The following SLC16A10 variants were observed in gnomAD, a reference collection of about 807,000 sequenced individuals.
SLC16A10 encodes the protein monocarboxylate transporter 10.
SLC16A10 carries 27 observed loss-of-function variants against 40.0 expected under a neutral mutation model. The ratio of observed to expected loss-of-function variants is 0.67; its 90% CI spans 0.50 to 0.93. The LOEUF is 0.93. Ranked by LOEUF, SLC16A10 falls within the 40% of genes least tolerant of loss-of-function variation. The pLI, the probability that SLC16A10 is intolerant of heterozygous loss-of-function variation, is 0.00. For missense variants in SLC16A10, 529 were observed against 658.2 expected (o/e 0.80, Z 2.15); for synonymous variants, 213 against 249.8 (o/e 0.85, Z 1.39).
chr6:111,132,027 C>T (rs1771791760), intron 1 of SLC16A10, among the ~76,000 whole-genome samples: 1 of 152,198 alleles, frequency 6.6e-6, no homozygotes, highest in Admixed American at 6.5e-5. Context: ...TCTAAGGAAG[C>T]TCTATGCTGT....
intron 1 of SLC16A10, among the ~76,000 whole-genome samples, chr6:111,122,242 T>C (rs1178097162): frequency 6.6e-6 from 1 of 152,242 alleles, no homozygotes; most frequent in African/African-American, 2.4e-5. Context: ...TGATTTGTCC[T>C]GACCCTGGAC....
At chr6:111,217,537 C>T (rs1412331616) in intron 4 of SLC16A10, among the ~76,000 whole-genome samples, 2 of 152,072 alleles carry the variant, frequency 1.3e-5, no homozygotes, top group East Asian at 1.9e-4. Flanking sequence ...GCAAGCTCCA[C>T]CCCCCGGATT....
Position 111,206,719 on chromosome 6 carries a change from A to G in SLC16A10, c.1070A>G (p.Lys357Arg), listed in dbSNP as rs1167785569. The change falls in exon 4 of 6, where the codon AAG (lysine) becomes AGG (arginine). Residue 357 changes from lysine to arginine, a missense_variant. By Grantham distance (26) the Lys-to-Arg change is conservative. Coordinates refer to ENST00000368851, the MANE Select transcript of SLC16A10 (RefSeq NM_018593.5). Reference protein sequence around the residue: ...GRIADYVPGVKKVYLQVLSFF... With the variant: ...GRIADYVPGVRKVYLQVLSFF... The stretch of plus-strand genomic sequence containing the variant: ...ATTGCAGATTATGTGCCTGGTGTGA[A>G]GAAGGTTTATCTACAGGTACTTTTT... The G allele has an allele frequency of 6.2e-7, 1 of 1,614,012 alleles. No individual in the cohort carries two copies. Among genetic ancestry groups the G allele is most frequent in the African/African-American group, 1.3e-5 (1 of 74,930 alleles).
intron 1 of SLC16A10, among the ~76,000 whole-genome samples, chr6:111,169,158 C>T (rs2114537638): frequency 6.6e-6 from 1 of 152,276 alleles, no homozygotes; most frequent in East Asian, 1.9e-4. Flanking sequence ...AATTTGCCTA[C>T]ACTCCAGCCT....
chr6:111,124,449 C>T (rs541868890), intron 1 of SLC16A10, among the ~76,000 whole-genome samples: 2 of 151,830 alleles, frequency 1.3e-5, no homozygotes, highest in South Asian at 4.2e-4. Context: ...GCAGCCTTGA[C>T]CTCCCAGGCT....
intron 1 of SLC16A10, among the ~76,000 whole-genome samples, chr6:111,115,920 G>A (rs1384466423): frequency 6.6e-6 from 1 of 151,986 alleles, no homozygotes; most frequent in Non-Finnish European, 1.5e-5. Flanking sequence ...GACTGAAGGG[G>A]TGTTTGTTTT....
intron 3 of SLC16A10, among the ~76,000 whole-genome samples, chr6:111,181,310 G>GT (rs1441439175): frequency 2.0e-5 from 3 of 151,788 alleles, no homozygotes; most frequent in Admixed American, 6.6e-5. Context: ...GGCATCCTCT[G>GT]TAAGCATCAG....
intron 3 of SLC16A10, among the ~76,000 whole-genome samples, chr6:111,200,210 T>TTA (rs1162113337): frequency 3.3e-5 from 5 of 152,156 alleles, no homozygotes; most frequent in Admixed American, 1.3e-4. Flanking sequence ...AACAGAAATA[T>TTA]CGTTGGGCTA....
intron 3 of SLC16A10, among the ~76,000 whole-genome samples, chr6:111,196,087 A>T (rs772917791): frequency 1.3e-5 from 2 of 152,178 alleles, no homozygotes; most frequent in Non-Finnish European, 2.9e-5. Flanking sequence ...TGAGCATTCC[A>T]GCACTTTGGG....
intron 1 of SLC16A10, among the ~76,000 whole-genome samples, chr6:111,121,618 G>A (rs1337843550): frequency 6.6e-6 from 1 of 152,182 alleles, no homozygotes; most frequent in Non-Finnish European, 1.5e-5. Context: ...GAGAAATTCT[G>A]TGTTATTCTT....
chr6:111,088,974 G>C (rs2114418251), intron 1 of SLC16A10, among the ~76,000 whole-genome samples: 1 of 152,256 alleles, frequency 6.6e-6, no homozygotes, highest in Non-Finnish European at 1.5e-5. Flanking sequence ...CTGTAGCTCA[G>C]TGAAAGTGTC....
intron 3 of SLC16A10, among the ~76,000 whole-genome samples, chr6:111,200,244 A>T (rs187052038): frequency 5.3e-4 from 81 of 152,338 alleles, no homozygotes; most frequent in African/African-American, 1.9e-3. Flanking sequence ...GTCCTTAAAA[A>T]TGTTGGCAAG....
intron 4 of SLC16A10, among the ~76,000 whole-genome samples, chr6:111,212,812 A>G (rs867669218): frequency 1.3e-5 from 2 of 151,992 alleles, no homozygotes; most frequent in African/African-American, 4.8e-5. Context: ...AAAAAATAAA[A>G]AAAAATGCTG....
At position 111,178,885 on chromosome 6, in the gene SLC16A10, A is replaced by G. The variant is rs562676882; in HGVS notation, c.942+1220A>G. 4.0e-4 allele frequency among the ~76,000 whole-genome samples: 61 copies of G among 152,370 alleles called. 1 individual carries two copies. Among genetic ancestry groups the G allele is most frequent in the African/African-American group, 1.4e-3 (59 of 41,590 alleles). ...CTATTAGGAAAGTATAGCCGAACCAACTTAAGGTAAGTTTCCTGGAATATA... is the reference window on the plus strand; with the variant it reads ...CTATTAGGAAAGTATAGCCGAACCAGCTTAAGGTAAGTTTCCTGGAATATA... On this transcript the variant is annotated intron_variant, in intron 3 of 5. Coordinates refer to ENST00000368851, the MANE Select transcript of SLC16A10 (RefSeq NM_018593.5).
intron 1 of SLC16A10, among the ~76,000 whole-genome samples, chr6:111,103,766 G>C (rs1191375204): frequency 6.6e-6 from 1 of 152,148 alleles, no homozygotes; most frequent in Non-Finnish European, 1.5e-5. Flanking sequence ...GAGATTGGGA[G>C]ACTTTTCTCA....
At chr6:111,166,645 G>T (rs1772479482) in intron 1 of SLC16A10, among the ~76,000 whole-genome samples, 1 of 152,194 alleles carries the variant, frequency 6.6e-6, no homozygotes, top group Admixed American at 6.5e-5. Context: ...TTCCCTTTGG[G>T]TATTTTCATT....
intron 1 of SLC16A10, among the ~76,000 whole-genome samples, chr6:111,157,026 C>G (rs1583333514): frequency 6.6e-6 from 1 of 152,180 alleles, no homozygotes; most frequent in South Asian, 2.1e-4. Context: ...TCAAGCGATT[C>G]TCCTGCCTCA....
At chr6:111,190,530 C>A (rs570142860) in intron 3 of SLC16A10, among the ~76,000 whole-genome samples, 1 of 152,346 alleles carries the variant, frequency 6.6e-6, no homozygotes, top group African/African-American at 2.4e-5. Flanking sequence ...AGAGGTTCTT[C>A]ATGAGGTTCC....
At chr6:111,120,545 A>C (rs1424424917) in intron 1 of SLC16A10, among the ~76,000 whole-genome samples, 1 of 152,214 alleles carries the variant, frequency 6.6e-6, no homozygotes, top group African/African-American at 2.4e-5. Context: ...TAGATTTATC[A>C]GATATAAAAT....
Sources: gnomAD v4.1 joint callset for allele counts (sites outside exome capture counted in the v4.1 genomes callset) on GRCh38, gnomAD v4.1.1 for gene constraint, MANE v1.5 for transcripts, NCBI Gene and HGNC (gene_info 2026-07-23, HGNC 2026-07-21) for gene names.